WWOX: variants seen among roughly 807,000 people sequenced by gnomAD.
WWOX encodes the protein WW domain containing oxidoreductase, also known as WW domain-containing oxidoreductase.
A neutral mutation model predicts 46.2 loss-of-function variants in WWOX; 69 were observed. The ratio of observed to expected loss-of-function variants is 1.49; its 90% confidence interval spans 1.23 to 1.82. WWOX has a LOEUF of 1.82. WWOX is among the 40% of genes most tolerant of loss of function. The pLI is 0.00. For synonymous variants in WWOX, 359 were observed against 202.6 expected (o/e 1.77, Z -6.56); for missense variants, 919 against 542.6 (o/e 1.69, Z -6.89).
At chr16:79,185,946 G>C (rs565561559) in intron 8 of WWOX, among the ~76,000 whole-genome samples, 1 of 149,816 alleles carries the variant, frequency 6.7e-6, no homozygotes, top group Non-Finnish European at 1.5e-5. Context: ...TGCCATGTCT[G>C]TGTGTGTGTG....
intron 8 of WWOX, among the ~76,000 whole-genome samples, chr16:78,563,183 T>C (rs1189240719): frequency 6.6e-6 from 1 of 152,236 alleles, no homozygotes; most frequent in East Asian, 1.9e-4. Flanking sequence ...GATGATTACA[T>C]GGGAAAATAA....
rs1454659823 is a variant in WWOX, at chr16:78,517,477, G to T, written c.1056+84725G>T. 2.0e-5 allele frequency among the ~76,000 whole-genome samples: 3 copies of T among 152,158 alleles called. No individual in the cohort carries two copies. In the East Asian group the frequency reaches 5.8e-4, roughly 29 times the overall value. On this transcript the variant is annotated intron_variant, in intron 8 of 8. Transcript: ENST00000566780. ...TTCGACGCTTCGCATATGTATTTAT[G>T]GCTGTGTGATATCATTATGGCATCC...
At chr16:78,975,475 T>C (rs1300016539) in intron 8 of WWOX, among the ~76,000 whole-genome samples, 1 of 151,084 alleles carries the variant, frequency 6.6e-6, no homozygotes, top group South Asian at 2.1e-4. Flanking sequence ...TTTTTTTCAT[T>C]ATGGCCCCCT....
At chr16:78,378,161 G>C (rs2151927156) in intron 5 of WWOX, among the ~76,000 whole-genome samples, 1 of 152,108 alleles carries the variant, frequency 6.6e-6, no homozygotes, top group African/African-American at 2.4e-5. Context: ...GCTTTGCTAG[G>C]GATCATTTTT....
chr16:78,989,308 A>C (rs2046839024), intron 8 of WWOX, among the ~76,000 whole-genome samples: 1 of 152,172 alleles, frequency 6.6e-6, no homozygotes, highest in South Asian at 2.1e-4. Flanking sequence ...CAATATCAAG[A>C]GCTAAATACA....
At chr16:78,996,385 C>CAA (rs2046990256) in intron 8 of WWOX, 30 of 766,782 alleles carry the variant, frequency 3.9e-5, no homozygotes, top group Non-Finnish European at 4.3e-5. Flanking sequence ...CACCCCCGCC[C>CAA]CCCAGCTTCC....
chr16:78,580,065 G>A (rs1311959123), intron 8 of WWOX, among the ~76,000 whole-genome samples: 1 of 150,428 alleles, frequency 6.6e-6, no homozygotes, highest in African/African-American at 2.5e-5. Flanking sequence ...TGTTTTCTTT[G>A]ACAGAGGAAA....
intron 8 of WWOX, among the ~76,000 whole-genome samples, chr16:78,475,650 C>T (rs2084333150): frequency 6.6e-6 from 1 of 152,002 alleles, no homozygotes. Context: ...GGCTGGAGTG[C>T]AGTGACATGA....
chr16:78,718,295 G>A (rs892733849), intron 8 of WWOX, among the ~76,000 whole-genome samples: 2 of 151,714 alleles, frequency 1.3e-5, no homozygotes, highest in African/African-American at 4.9e-5. Flanking sequence ...AAGTCCGTGA[G>A]GGATTCTCAC....
intron 8 of WWOX, among the ~76,000 whole-genome samples, chr16:78,728,812 C>T (rs2048895498): frequency 6.6e-6 from 1 of 152,298 alleles, no homozygotes; most frequent in Non-Finnish European, 1.5e-5. Context: ...TGCTAATATG[C>T]TATGGGACCT....
At chr16:78,615,453 A>G (rs943943775) in intron 8 of WWOX, among the ~76,000 whole-genome samples, 10 of 152,062 alleles carry the variant, frequency 6.6e-5, no homozygotes, top group African/African-American at 2.2e-4. Context: ...ATTCAAGACC[A>G]GGCTGGGCAG....
At chr16:78,687,978 G>A (rs1420019174) in intron 8 of WWOX, among the ~76,000 whole-genome samples, 1 of 152,094 alleles carries the variant, frequency 6.6e-6, no homozygotes, top group East Asian at 1.9e-4. Context: ...TGGTACAAAT[G>A]AACTTGCTAC....
chr16:78,374,573 G>T (rs2081772567), intron 5 of WWOX, among the ~76,000 whole-genome samples: 1 of 100,736 alleles, frequency 9.9e-6, no homozygotes, highest in Non-Finnish European at 1.8e-5. Flanking sequence ...TTTTAAGGCA[G>T]AGTTTCTGTC....
intron 7 of WWOX, 141 bp downstream of exon 7, chr16:78,425,196 T>C (rs1036753245): frequency 8.7e-7 from 1 of 1,149,306 alleles, no homozygotes; most frequent in Non-Finnish European, 1.3e-6. Context: ...ACTTAATTTT[T>C]CCAGGTCTTT....
At chr16:79,054,082 G>C (rs1221244027) in intron 8 of WWOX, among the ~76,000 whole-genome samples, 3 of 152,024 alleles carry the variant, frequency 2.0e-5, no homozygotes, top group Non-Finnish European at 4.4e-5. Flanking sequence ...GCCAATAAAA[G>C]AAGCTATATT....
intron 8 of WWOX, among the ~76,000 whole-genome samples, chr16:78,847,585 C>T (rs1446224951): frequency 6.6e-6 from 1 of 152,070 alleles, no homozygotes; most frequent in Non-Finnish European, 1.5e-5. Flanking sequence ...TCTCCCGCCT[C>T]AGCTTCCCTA....
chr16:78,760,449 A>T (rs959688677), intron 8 of WWOX, among the ~76,000 whole-genome samples: 1 of 152,192 alleles, frequency 6.6e-6, no homozygotes, highest in Non-Finnish European at 1.5e-5. Flanking sequence ...TTATCATGCA[A>T]GGTAGCATAC....
At chr16:79,155,353 C>T (rs973082933) in intron 8 of WWOX, among the ~76,000 whole-genome samples, 19 of 151,478 alleles carry the variant, frequency 1.3e-4, no homozygotes, top group Admixed American at 6.6e-4. Context: ...TCCAGCCTGG[C>T]GACAGAGGGA....
At chr16:78,885,261 TCTTGC>T (rs1318200919) in intron 8 of WWOX, among the ~76,000 whole-genome samples, 1 of 150,430 alleles carries the variant, frequency 6.6e-6, no homozygotes, top group African/African-American at 2.4e-5. Flanking sequence ...AAAAAAATAC[TCTTGC>T]CTTCTTCCAT....
Sources: gnomAD v4.1 joint callset for allele counts (sites outside exome capture counted in the v4.1 genomes callset) on GRCh38, gnomAD v4.1.1 for gene constraint, MANE v1.5 for transcripts, NCBI Gene and HGNC (gene_info 2026-07-23, HGNC 2026-07-21) for gene names.